The following MCU variants were observed in gnomAD, a reference collection of about 807,000 sequenced individuals.
The protein encoded by MCU is mitochondrial calcium uniporter, also known as calcium uniporter protein, mitochondrial.
A neutral mutation model predicts 45.2 loss-of-function variants in MCU; 12 were observed. That is an observed-to-expected ratio of 0.27 (90% CI 0.17 to 0.43). The LOEUF is 0.43. Among genes scored for constraint, MCU ranks in the 20% least tolerant of loss-of-function variants. The probability of loss-of-function intolerance (pLI) is 1.00; values close to 1 mark genes in which losing one functional copy is unlikely to be tolerated. For synonymous variants in MCU, 160 were observed against 165.1 expected (o/e 0.97, Z 0.24); for missense variants, 324 against 436.7 (o/e 0.74, Z 2.30).
chr10:72,874,544 G>A (rs1294808340), intron 6 of MCU, among the ~76,000 whole-genome samples: 2 of 152,148 alleles, frequency 1.3e-5, no homozygotes, highest in African/African-American at 4.8e-5. Flanking sequence ...TGTGTTTGGG[G>A]AAATGATAGC....
At chr10:72,821,798 G>C (rs780378238) in intron 1 of MCU, among the ~76,000 whole-genome samples, 34 of 152,124 alleles carry the variant, frequency 2.2e-4, no homozygotes, top group South Asian at 4.2e-4. Context: ...GGTATTACAG[G>C]GTTCTTGCTT....
intron 1 of MCU, among the ~76,000 whole-genome samples, chr10:72,699,098 C>T (rs1016033746): frequency 2.6e-5 from 4 of 152,140 alleles, no homozygotes; most frequent in Non-Finnish European, 4.4e-5. Context: ...CCACCGTGCC[C>T]GGACTCTTTA....
chr10:72,853,818 CAT>C (rs1845245726), intron 2 of MCU, among the ~76,000 whole-genome samples: 1 of 151,904 alleles, frequency 6.6e-6, no homozygotes, highest in Non-Finnish European at 1.5e-5. Context: ...GCCTGGGCAA[CAT>C]AGTGAGACCC....
chr10:72,884,545 T>A (rs1267119914), intron 7 of MCU, 163 bp downstream of exon 7: 1 of 524,506 alleles, frequency 1.9e-6, no homozygotes, highest in Non-Finnish European at 3.4e-6. Context: ...ATTTTAGGCA[T>A]GGACATTTCT....
At chr10:72,760,794 C>T (rs1843645748) in intron 1 of MCU, 1 of 142,468 alleles carries the variant, frequency 7.0e-6, no homozygotes, top group Non-Finnish European at 1.5e-5. Context: ...TCAAGCAAGT[C>T]TCCCACCTCG....
chr10:72,818,061 T>G (rs995366361), intron 1 of MCU, among the ~76,000 whole-genome samples: 26 of 152,338 alleles, frequency 1.7e-4, no homozygotes, highest in Admixed American at 1.6e-3. Flanking sequence ...AATTTCCCAC[T>G]TGTAAAAGAA....
At chr10:72,697,669 C>T (rs1277930959) in intron 1 of MCU, among the ~76,000 whole-genome samples, 2 of 151,812 alleles carry the variant, frequency 1.3e-5, no homozygotes, top group South Asian at 2.1e-4. Flanking sequence ...CTCCTGACCT[C>T]GTGATCCACC....
intron 1 of MCU, among the ~76,000 whole-genome samples, chr10:72,765,384 C>T (rs1455769949): frequency 6.6e-6 from 1 of 151,942 alleles, no homozygotes; most frequent in African/African-American, 2.4e-5. Context: ...TTTATGCTAC[C>T]TCCTTCTATA....
intron 1 of MCU, among the ~76,000 whole-genome samples, chr10:72,706,645 C>T (rs1429920183): frequency 6.6e-6 from 1 of 150,832 alleles, no homozygotes; most frequent in Non-Finnish European, 1.5e-5. Flanking sequence ...TCAAGCGATT[C>T]TCCTCCTCAG....
At chr10:72,841,536 G>A (rs1845047656) in intron 2 of MCU, among the ~76,000 whole-genome samples, 1 of 152,154 alleles carries the variant, frequency 6.6e-6, no homozygotes, top group South Asian at 2.1e-4. Context: ...GACCTCAGGT[G>A]ATCCACCCAC....
At chr10:72,840,319 C>T (rs1845029293) in intron 2 of MCU, among the ~76,000 whole-genome samples, 1 of 152,102 alleles carries the variant, frequency 6.6e-6, no homozygotes, top group Non-Finnish European at 1.5e-5. Context: ...GTTTATTAAC[C>T]ATTCAGATAT....
chr10:72,858,414 G>A (rs1453257465), intron 2 of MCU, among the ~76,000 whole-genome samples: 3 of 152,098 alleles, frequency 2.0e-5, no homozygotes, highest in Middle Eastern at 3.2e-3. Flanking sequence ...CTCCACGGTC[G>A]GTGGCCTCTT....
intron 1 of MCU, among the ~76,000 whole-genome samples, chr10:72,725,448 G>T (rs11000401): frequency 0.21 from 26 of 122 alleles, no homozygotes; most frequent in Admixed American, 0.17. Flanking sequence ...ATTTAAAAAT[G>T]TTTTTTATGG....
intron 1 of MCU, among the ~76,000 whole-genome samples, chr10:72,730,126 A>AT (rs1401278844): frequency 6.6e-6 from 1 of 150,576 alleles, no homozygotes; most frequent in Non-Finnish European, 1.5e-5. Context: ...CACCTGGCTA[A>AT]TTTTTTGTAT....
Position 72,814,923 on chromosome 10 carries a change from A to C in MCU, c.151-19436A>C, listed in dbSNP as rs1338402127. Among the ~76,000 whole-genome samples the C allele has an allele frequency of 2.6e-5, 4 of 152,238 alleles. No homozygotes were observed. In the East Asian group the frequency reaches 7.7e-4, roughly 29 times the overall value. ...AAAAACCAGTGGGAAAATCTTAGGA[A>C]AGAAGTATAAAAGAAAAATAGAAGC... On this transcript the variant is annotated intron_variant, in intron 1 of 7. Transcript: ENST00000373053.
At chr10:72,845,735 G>A (rs1011637179) in intron 2 of MCU, among the ~76,000 whole-genome samples, 28 of 152,156 alleles carry the variant, frequency 1.8e-4, no homozygotes, top group Non-Finnish European at 1.8e-4. Flanking sequence ...TTCTCAGAAT[G>A]TATCCCTGTC....
intron 1 of MCU, among the ~76,000 whole-genome samples, chr10:72,786,067 C>T (rs1218989139): frequency 2.0e-5 from 3 of 152,110 alleles, no homozygotes; most frequent in Non-Finnish European, 2.9e-5. Flanking sequence ...AATAAAATTT[C>T]AAGAATAGGA....
chr10:72,773,852 C>T (rs969525367), intron 1 of MCU, among the ~76,000 whole-genome samples: 2 of 152,094 alleles, frequency 1.3e-5, no homozygotes, highest in Non-Finnish European at 2.9e-5. Context: ...GAAAAAACTG[C>T]CACCCAAGAA....
chr10:72,783,956 G>A (rs112424274), intron 1 of MCU, among the ~76,000 whole-genome samples: 4 of 152,300 alleles, frequency 2.6e-5, no homozygotes, highest in African/African-American at 7.2e-5. Flanking sequence ...TAGAGCCATA[G>A]GCACTATAGA....
Sources: gnomAD v4.1 joint callset for allele counts (sites outside exome capture counted in the v4.1 genomes callset) on GRCh38, gnomAD v4.1.1 for gene constraint, MANE v1.5 for transcripts, NCBI Gene and HGNC (gene_info 2026-07-23, HGNC 2026-07-21) for gene names.